The following GSTM5 variants were observed in gnomAD, a reference collection of about 807,000 sequenced individuals.
GSTM5 encodes the protein glutathione S-transferase mu 5, also known as GST class-mu 5.
A neutral mutation model predicts 29.0 loss-of-function variants in GSTM5; 24 were observed. The ratio of observed to expected loss-of-function variants is 0.83; its 90% CI spans 0.60 to 1.16. The LOEUF (loss-of-function observed/expected upper bound fraction) is 1.16. GSTM5 is among the 50% of genes most tolerant of loss of function. The probability of loss-of-function intolerance (pLI) is 0.00; values close to 1 mark genes in which losing one functional copy is unlikely to be tolerated. For synonymous variants in GSTM5, 91 were observed against 93.6 expected (o/e 0.97, Z 0.16); for missense variants, 290 against 263.0 (o/e 1.10, Z -0.71).
chr1:109,712,153 C>T (rs867437998), upstream of GSTM5: 58 of 788,114 alleles, frequency 7.4e-5, no homozygotes, highest in Middle Eastern at 6.3e-3. Flanking sequence ...ATTCCAGCCC[C>T]GGGCGCTCGC....
At chr1:109,712,064 G>C (rs1342101585), upstream of GSTM5, among the ~76,000 whole-genome samples, 2 of 152,208 alleles carry the variant, frequency 1.3e-5, no homozygotes, top group Non-Finnish European at 2.9e-5. Flanking sequence ...TGGCGAGGCC[G>C]AGCCCCGCTT....
intron 7 of GSTM5, chr1:109,715,586 G>A (rs1648717659): frequency 8.9e-6 from 11 of 1,230,050 alleles, no homozygotes; most frequent in Non-Finnish European, 9.8e-6. Flanking sequence ...GTGACAAAAG[G>A]AGAAGCCTCA....
At chr1:109,711,808 G>A (rs1416597682), upstream of GSTM5, among the ~76,000 whole-genome samples, 2 of 150,596 alleles carry the variant, frequency 1.3e-5, no homozygotes, top group Non-Finnish European at 3.0e-5. Flanking sequence ...ACAGTGACAG[G>A]GGCTGAATTA....
intron 5 of GSTM5, 97 bp downstream of exon 5, chr1:109,713,858 C>A: frequency 1.1e-6 from 1 of 901,598 alleles, no homozygotes; most frequent in Non-Finnish European, 1.8e-6. Context: ...AGACTCCGGC[C>A]AGCTGACTGG....
chr1:109,712,253 C>G lies in GSTM5; in HGVS notation c.-60C>G. ...GCCCCGCCTGTCCCCTCCTGGGCCTCTCAAAGTCTGAGCCCCGCTCCGCTG... is the reference window on the plus strand; with the variant it reads ...GCCCCGCCTGTCCCCTCCTGGGCCTGTCAAAGTCTGAGCCCCGCTCCGCTG... On this transcript the variant is annotated 5_prime_UTR_variant, in exon 1 of 8. Transcript: ENST00000256593. 1.3e-6 allele frequency: 2 copies of G among 1,597,184 alleles called. No homozygotes were observed. Among genetic ancestry groups the G allele is most frequent in the Non-Finnish European group, 8.6e-7 (1 of 1,164,756 alleles).
At chr1:109,712,986 T>C in intron 2 of GSTM5, 133 bp from the exon 3 acceptor site, 3 of 1,042,638 alleles carry the variant, frequency 2.9e-6, no homozygotes, top group Non-Finnish European at 4.4e-6. Flanking sequence ...CCCTGAACCC[T>C]GGGATGTGGG....
chr1:109,715,271 G>T (rs1485430948), intron 7 of GSTM5, 31 bp downstream of exon 7: 4 of 1,614,150 alleles, frequency 2.5e-6, no homozygotes, highest in Middle Eastern at 3.3e-4. Context: ...TCTCTTTGAT[G>T]CCCCTTGTTC....
chr1:109,716,066 G>T, intron 7 of GSTM5: 1 of 451,054 alleles, frequency 2.2e-6, no homozygotes, highest in Admixed American at 2.8e-5. Context: ...GCAGTGAGAG[G>T]CCTGCAGGCA....
intron 3 of GSTM5, 87 bp from the exon 4 acceptor site, chr1:109,713,397 G>T (rs1382707476): frequency 1.3e-6 from 2 of 1,567,970 alleles, no homozygotes; most frequent in East Asian, 4.5e-5. Context: ...AGCAGGCCCT[G>T]GTCTCCTCTC....
intron 5 of GSTM5, chr1:109,713,974 C>T: frequency 2.3e-6 from 1 of 433,416 alleles, no homozygotes; most frequent in Non-Finnish European, 4.2e-6. Context: ...CTGGATGCAA[C>T]TGGTCATGAT....
At chr1:109,714,500 C>T (rs1278145223) in intron 5 of GSTM5, 1 of 195,300 alleles carries the variant, frequency 5.1e-6, no homozygotes, top group African/African-American at 2.4e-5. Flanking sequence ...TATTCCTCTC[C>T]CTCCTTCCTT....
Position 109,713,757 on chromosome 1 carries a change from A to T in GSTM5, c.356A>T (p.Asp119Val). 1 of 1,611,850 alleles carries T rather than the reference A, an allele frequency of 6.2e-7. No individual in the cohort carries two copies. The highest frequency in any genetic ancestry group is 8.5e-7 in the Non-Finnish European group (1 of 1,178,950). ...MELVRLCYDP[D>V]FEKLKPKYLE... ...CTGGTCAGACTGTGCTATGACCCAGATTTTGTGAGTCCCACACCCCACTCC... is the reference window on the plus strand; with the variant it reads ...CTGGTCAGACTGTGCTATGACCCAGTTTTTGTGAGTCCCACACCCCACTCC... The change falls in exon 5 of 8, where the codon GAT becomes GTT. Residue 119 changes from aspartate to valine, a missense_variant. By Grantham distance (152) the Asp-to-Val change is radical. Coordinates refer to ENST00000256593, the MANE Select transcript of GSTM5 (RefSeq NM_000851.4).
In GSTM5 at chr1:109,715,040, A is replaced by C; in HGVS notation, c.454A>C (p.Lys152Gln). Residue 152 changes from lysine (K) to glutamine (Q), a missense_variant and splice_region_variant, in exon 6 of 8, where the codon AAG (lysine) becomes CAG (glutamine). Transcript: ENST00000256593. ...LGKRPWFAGD[K>Q]ITFVDFLAYD... ...GAAGCGGCCATGGTTTGCAGGAGAC[A>C]AGGTAAAGGAGGAGTGATATGGGGA... The C allele has an allele frequency of 1.9e-6, 3 of 1,614,230 alleles. No homozygotes were observed. Among genetic ancestry groups the C allele is most frequent in the Non-Finnish European group, 2.5e-6 (3 of 1,180,028 alleles).
At chr1:109,717,236 A>C in intron 7 of GSTM5, 101 bp from the exon 8 acceptor site, 2 of 824,328 alleles carry the variant, frequency 2.4e-6, no homozygotes, top group Non-Finnish European at 4.2e-6. Flanking sequence ...GCCCACATGG[A>C]AAGGCTGTGG....
chr1:109,715,863 G>T, intron 7 of GSTM5: 1 of 513,412 alleles, frequency 1.9e-6, no homozygotes, highest in Admixed American at 2.3e-5. Context: ...GTGTTGAAGT[G>T]CTCTGTGCTG....
intron 7 of GSTM5, 69 bp from the exon 8 acceptor site, chr1:109,717,268 C>A (rs1648780131): frequency 8.3e-7 from 1 of 1,199,540 alleles, no homozygotes; most frequent in Non-Finnish European, 1.2e-6. Flanking sequence ...ACCTGCTGTG[C>A]CTGCAGCAAA....
In GSTM5 at chr1:109,717,475, G is replaced by C. The variant is rs1381563527; in HGVS notation, c.*49G>C. The C allele has an allele frequency of 1.0e-5, 14 of 1,343,628 alleles. No individual in the cohort carries two copies. The highest frequency in any genetic ancestry group is 1.5e-5 in the Non-Finnish European group (14 of 933,352). The allele number at this position is 1,343,628 out of a possible 1,614,324, so 83.2% of individuals were successfully genotyped here. On this transcript the variant is annotated 3_prime_UTR_variant, in exon 8 of 8. Transcript: ENST00000256593. Reference sequence around the variant, plus strand: ...GAGGGAGGAGCCAACCTTGCTGCCTGCGACCCTGGAGGACAGCCTGACTCC... The same window carrying C: ...GAGGGAGGAGCCAACCTTGCTGCCTCCGACCCTGGAGGACAGCCTGACTCC...
rs1452162530 is a variant in GSTM5, at chr1:109,712,707, C to T, written c.112+14C>T. 25 of 1,613,428 alleles carry T rather than the reference C, an allele frequency of 1.5e-5. No individual in the cohort carries two copies. Among genetic ancestry groups the T allele is most frequent in the African/African-American group, 2.7e-5 (2 of 74,936 alleles). On this transcript the variant is annotated intron_variant, in intron 2 of 7. Transcript: ENST00000256593. ...CGCTGGGGGACGGTAATGGCACCCTCGTGTCCGGGCCCTGCCCACTCACGC... is the reference window on the plus strand; with the variant it reads ...CGCTGGGGGACGGTAATGGCACCCTTGTGTCCGGGCCCTGCCCACTCACGC...
chr1:109,711,876 G>A (rs1237631116), upstream of GSTM5, among the ~76,000 whole-genome samples: 2 of 138,276 alleles, frequency 1.4e-5, no homozygotes, highest in Non-Finnish European at 3.3e-5. Flanking sequence ...GAGTCTCCCA[G>A]AGCCCTTGGG....
Sources: allele counts gnomAD v4.1 joint callset (sites outside exome capture counted in the v4.1 genomes callset), GRCh38; gene constraint gnomAD v4.1.1; transcripts MANE v1.5; gene names NCBI Gene and HGNC (gene_info 2026-07-23, HGNC 2026-07-21).